Variants in KANK1 observed in about 807,000 individuals in gnomAD.
KANK1 encodes KN motif and ankyrin repeat domain-containing protein 1.
KANK1 carries 109 observed loss-of-function variants against 106.2 expected under a neutral mutation model. The observed-to-expected ratio is 1.03, with a 90% confidence interval of 0.88 to 1.20. The LOEUF (loss-of-function observed/expected upper bound fraction) is 1.20. Ranked by LOEUF, KANK1 falls within the 50% of genes most tolerant of loss-of-function variation. The pLI, the probability that KANK1 is intolerant of heterozygous loss-of-function variation, is 0.00. For synonymous variants in KANK1, 873 were observed against 652.2 expected, an observed-to-expected ratio of 1.34 and a Z score of -5.16; for missense variants, 2,399 against 1,710.7, an observed-to-expected ratio of 1.40 and a Z score of -7.10.
At chr9:516,841 T>TG (rs377376361) in intron 1 of KANK1, among the ~76,000 whole-genome samples, 9 of 151,666 alleles carry the variant, frequency 5.9e-5, no homozygotes, top group Admixed American at 3.9e-4. Flanking sequence ...AGCAGCCCGC[T>TG]GGGGGGTACC....
intron 1 of KANK1, among the ~76,000 whole-genome samples, chr9:539,990 C>T (rs929399768): frequency 2.0e-5 from 3 of 152,176 alleles, no homozygotes; most frequent in African/African-American, 4.8e-5. Context: ...CAAACAGAGA[C>T]AGAGTAACTT....
intron 2 of KANK1, among the ~76,000 whole-genome samples, chr9:681,314 C>T (rs915267730): frequency 6.6e-6 from 1 of 152,198 alleles, no homozygotes; most frequent in African/African-American, 2.4e-5. Flanking sequence ...TTGCTCTTGA[C>T]TGTTCTCTCA....
At chr9:651,448 C>T (rs1840860810) in intron 1 of KANK1, among the ~76,000 whole-genome samples, 1 of 152,134 alleles carries the variant, frequency 6.6e-6, no homozygotes, top group African/African-American at 2.4e-5. Flanking sequence ...CTAGAACTTT[C>T]TTCTGTGACT....
At chr9:527,659 G>C (rs1224938161) in intron 1 of KANK1, among the ~76,000 whole-genome samples, 1 of 151,150 alleles carries the variant, frequency 6.6e-6, no homozygotes, top group Non-Finnish European at 1.5e-5. Context: ...TTACAAGGGA[G>C]ATAGTCTCCT....
At chr9:517,812 C>T (rs1422366779) in intron 1 of KANK1, among the ~76,000 whole-genome samples, 1 of 149,174 alleles carries the variant, frequency 6.7e-6, no homozygotes, top group African/African-American at 2.5e-5. Context: ...GATCTCGGCT[C>T]ACTGGACCCT....
intron 2 of KANK1, among the ~76,000 whole-genome samples, chr9:685,109 C>G (rs1818298443): frequency 6.6e-6 from 1 of 152,122 alleles, no homozygotes; most frequent in South Asian, 2.1e-4. Context: ...TACTCATTTC[C>G]ACATGCTTTA....
intron 1 of KANK1, among the ~76,000 whole-genome samples, chr9:658,285 A>C (rs369659002): frequency 6.6e-6 from 1 of 152,230 alleles, no homozygotes; most frequent in African/African-American, 2.4e-5. Flanking sequence ...GCTTAAACCC[A>C]TCAATGACTT....
At chr9:544,541 G>A (rs1035453283) in intron 1 of KANK1, among the ~76,000 whole-genome samples, 2 of 152,196 alleles carry the variant, frequency 1.3e-5, no homozygotes, top group Non-Finnish European at 2.9e-5. Context: ...GAATAAGTGA[G>A]GCCAAAGCTG....
chr9:601,470 G>A (rs1010462907), intron 1 of KANK1, among the ~76,000 whole-genome samples: 5 of 151,738 alleles, frequency 3.3e-5, no homozygotes, highest in African/African-American at 9.7e-5. Context: ...GACTAGATTT[G>A]GGGCTGTCTG....
At position 632,647 on chromosome 9, in the gene KANK1, T is replaced by C. The variant is rs545168756; in HGVS notation, c.-83-44243T>C. Among the ~76,000 whole-genome samples, 6 of 152,184 alleles carry C rather than the reference T, an allele frequency of 3.9e-5. No homozygotes were observed. The South Asian group carries it at 1.2e-3, about 31-fold the overall frequency. ...TTTATCTTGTAATTGATTATCACAT[T>C]ATCTGCTTTGATCCTCATGAGATAA... On this transcript the variant is annotated intron_variant, in intron 1 of 11. Transcript: ENST00000382297.
At chr9:605,467 A>G (rs1828870144) in intron 1 of KANK1, among the ~76,000 whole-genome samples, 1 of 151,714 alleles carries the variant, frequency 6.6e-6, no homozygotes, top group Non-Finnish European at 1.5e-5. Flanking sequence ...AAGTGCGTAC[A>G]CTCAGTCTTT....
intron 1 of KANK1, among the ~76,000 whole-genome samples, chr9:552,408 TCTC>T (rs1261193953): frequency 1.3e-5 from 2 of 152,190 alleles, no homozygotes; most frequent in East Asian, 3.8e-4. Context: ...CACACCCTCA[TCTC>T]CTCAGCAGTT....
At chr9:737,508 G>C (rs1169687904) in intron 7 of KANK1, among the ~76,000 whole-genome samples, 1 of 152,228 alleles carries the variant, frequency 6.6e-6, no homozygotes, top group Non-Finnish European at 1.5e-5. Context: ...TGACTGCTCA[G>C]TCTCCACTGA....
chr9:506,796 G>T (rs1003499567), intron 1 of KANK1, among the ~76,000 whole-genome samples: 10 of 152,120 alleles, frequency 6.6e-5, no homozygotes, highest in Admixed American at 2.0e-4. Flanking sequence ...AAAGGATCTA[G>T]TTGGGGGCAG....
Position 728,803 on chromosome 9 carries a change from A to G in KANK1, c.2699-1248A>G, listed in dbSNP as rs149624404. On this transcript the variant is annotated intron_variant, in intron 3 of 11. Transcript: ENST00000382297. ...TCTGTTGATTGCAGGCCTTTAGATA[A>G]TAAGTTAACTTTTTCAACCATTTGC... Among the ~76,000 whole-genome samples, 172 of 152,324 alleles carry G rather than the reference A, an allele frequency of 1.1e-3. 1 individual carries two copies. The highest frequency in any genetic ancestry group is 3.8e-3 in the African/African-American group (160 of 41,574).
intron 1 of KANK1, among the ~76,000 whole-genome samples, chr9:643,137 C>G (rs1454378354): frequency 1.3e-5 from 2 of 150,584 alleles, no homozygotes; most frequent in African/African-American, 5.0e-5. Flanking sequence ...AGTTTTGAAC[C>G]AAGGATCTGT....
intron 1 of KANK1, among the ~76,000 whole-genome samples, chr9:588,118 C>T (rs1193334224): frequency 2.0e-5 from 3 of 151,788 alleles, no homozygotes; most frequent in African/African-American, 4.8e-5. Flanking sequence ...GTTCACATAG[C>T]TGGTAAACCC....
intron 1 of KANK1, among the ~76,000 whole-genome samples, chr9:642,520 CTT>C (rs1838707249): frequency 6.6e-6 from 1 of 150,978 alleles, no homozygotes; most frequent in African/African-American, 2.5e-5. Flanking sequence ...CATAAGGTCA[CTT>C]TTGTAAATTT....
At chr9:505,012 C>G (rs1490026494) in intron 1 of KANK1, among the ~76,000 whole-genome samples, 1 of 151,512 alleles carries the variant, frequency 6.6e-6, no homozygotes, top group East Asian at 2.0e-4. Flanking sequence ...GAGTTTGGCG[C>G]GCTCTGCAGC....
Sources: allele counts gnomAD v4.1 joint callset (sites outside exome capture counted in the v4.1 genomes callset), GRCh38; gene constraint gnomAD v4.1.1; transcripts MANE v1.5; gene names NCBI Gene and HGNC (gene_info 2026-07-23, HGNC 2026-07-21).